The following HS6ST3 variants were observed in gnomAD, a reference collection of about 807,000 sequenced individuals.
HS6ST3 encodes heparan-sulfate 6-O-sulfotransferase 3.
HS6ST3 carries 12 observed loss-of-function variants against 36.7 expected under a neutral mutation model. The observed-to-expected ratio is 0.33, with a 90% CI of 0.21 to 0.53. The LOEUF (loss-of-function observed/expected upper bound fraction) is 0.53. Among genes scored for constraint, HS6ST3 ranks in the 20% least tolerant of loss-of-function variants. The pLI is 0.95. For synonymous variants in HS6ST3, 240 were observed against 257.5 expected (o/e 0.93, Z 0.65); for missense variants, 584 against 640.9 (o/e 0.91, Z 0.96).
At chr13:96,460,508 G>C (rs764040796) in intron 1 of HS6ST3, among the ~76,000 whole-genome samples, 3 of 152,118 alleles carry the variant, frequency 2.0e-5, no homozygotes, top group Non-Finnish European at 4.4e-5. Flanking sequence ...GAGCTATCAG[G>C]TTTTGGAAGT....
intron 1 of HS6ST3, among the ~76,000 whole-genome samples, chr13:96,743,575 A>G (rs1876493382): frequency 6.6e-6 from 1 of 152,048 alleles, no homozygotes; most frequent in African/African-American, 2.4e-5. Flanking sequence ...TGGTCTTTCT[A>G]TTAGTTTTTG....
At chr13:96,278,670 CAA>C (rs2054760176) in intron 1 of HS6ST3, among the ~76,000 whole-genome samples, 1 of 152,092 alleles carries the variant, frequency 6.6e-6, no homozygotes, top group Admixed American at 6.6e-5. Flanking sequence ...TAATTTTGAT[CAA>C]GTCTTATAAT....
At chr13:96,169,867 A>T (rs2054179347) in intron 1 of HS6ST3, 2 of 152,274 alleles carry the variant, frequency 1.3e-5, no homozygotes, top group Non-Finnish European at 2.9e-5. Flanking sequence ...AACAAAAATA[A>T]GATAAAATTT....
At chr13:96,279,883 A>G (rs139985494) in intron 1 of HS6ST3, among the ~76,000 whole-genome samples, 1 of 152,190 alleles carries the variant, frequency 6.6e-6, no homozygotes, top group African/African-American at 2.4e-5. Flanking sequence ...ATAAAACTAT[A>G]TTTTTTGCTA....
intron 1 of HS6ST3, among the ~76,000 whole-genome samples, chr13:96,222,674 A>G (rs2054461783): frequency 6.6e-6 from 1 of 152,256 alleles, no homozygotes; most frequent in South Asian, 2.1e-4. Context: ...TGAATCAGAA[A>G]TGGAAAAATC....
In HS6ST3 at chr13:96,211,726, T is replaced by C. The variant is rs544677447; in HGVS notation, c.707+120157T>C. 3.9e-5 allele frequency among the ~76,000 whole-genome samples: 6 copies of C among 152,292 alleles called. No individual in the cohort carries two copies. In the South Asian group the frequency reaches 1.2e-3, roughly 32 times the overall value. On this transcript the variant is annotated intron_variant, in intron 1 of 1. Transcript: ENST00000376705. ...CATGGAAGTATGGCACCATAGGTAG[T>C]TGTCTTTATATTGTGTTTCTGGGAA...
intron 1 of HS6ST3, among the ~76,000 whole-genome samples, chr13:96,262,874 T>C (rs2139384079): frequency 6.6e-6 from 1 of 152,316 alleles, no homozygotes; most frequent in African/African-American, 2.4e-5. Flanking sequence ...TATTATTAAG[T>C]ATGAGTACTT....
chr13:96,241,913 G>A lies in HS6ST3; in HGVS notation c.707+150344G>A, dbSNP rs190628050. 1.7e-3 allele frequency among the ~76,000 whole-genome samples: 250 copies of A among 151,508 alleles called. 1 individual carries two copies. Among genetic ancestry groups the A allele is most frequent in the African/African-American group, 5.9e-3 (242 of 41,274 alleles). On this transcript the variant is annotated intron_variant, in intron 1 of 1. Coordinates refer to ENST00000376705, the MANE Select transcript of HS6ST3 (RefSeq NM_153456.4). ...CCATTCTTCTGCCTCAGCCTCCCGA[G>A]TAGCTGGGACCACAGGCGTCCACCA...
At chr13:96,378,732 C>T in intron 1 of HS6ST3, among the ~76,000 whole-genome samples, 1 of 152,122 alleles carries the variant, frequency 6.6e-6, no homozygotes, top group East Asian at 1.9e-4. Flanking sequence ...GTGGGGTTAT[C>T]TTCTCATTTG....
intron 1 of HS6ST3, among the ~76,000 whole-genome samples, chr13:96,733,758 G>A (rs979381903): frequency 1.3e-5 from 2 of 152,136 alleles, no homozygotes; most frequent in Admixed American, 6.5e-5. Flanking sequence ...CGTGAGCTCT[G>A]GACTTACTCC....
intron 1 of HS6ST3, chr13:96,574,250 A>G (rs1478633188): frequency 2.3e-6 from 1 of 440,090 alleles, no homozygotes; most frequent in African/African-American, 2.0e-5. Context: ...GGACTGGGAG[A>G]TAGGGGTCCA....
At chr13:96,317,434 A>G (rs1197808520) in intron 1 of HS6ST3, among the ~76,000 whole-genome samples, 3 of 146,590 alleles carry the variant, frequency 2.0e-5, no homozygotes, top group Non-Finnish European at 4.5e-5. Flanking sequence ...GAATACATAT[A>G]TATGTCACAT....
At chr13:96,707,760 T>A (rs540429613) in intron 1 of HS6ST3, among the ~76,000 whole-genome samples, 26 of 152,208 alleles carry the variant, frequency 1.7e-4, no homozygotes, top group Non-Finnish European at 3.1e-4. Context: ...CTAGTTCTCA[T>A]GTACATGTAG....
intron 1 of HS6ST3, among the ~76,000 whole-genome samples, chr13:96,634,316 A>G (rs1358295477): frequency 6.6e-6 from 1 of 152,202 alleles, no homozygotes; most frequent in Non-Finnish European, 1.5e-5. Context: ...TGATATGCAC[A>G]GCAAGGAGAT....
intron 1 of HS6ST3, among the ~76,000 whole-genome samples, chr13:96,395,532 C>G (rs1017536578): frequency 1.3e-5 from 2 of 152,156 alleles, no homozygotes; most frequent in Non-Finnish European, 2.9e-5. Context: ...AAACGCCTAC[C>G]AGCACATTCA....
chr13:96,287,996 A>G (rs1308276669), intron 1 of HS6ST3, among the ~76,000 whole-genome samples: 2 of 152,198 alleles, frequency 1.3e-5, no homozygotes, highest in African/African-American at 4.8e-5. Flanking sequence ...GCTGTATAGC[A>G]GTGAGTCTCA....
intron 1 of HS6ST3, among the ~76,000 whole-genome samples, chr13:96,232,109 G>A (rs1365955077): frequency 6.6e-6 from 1 of 152,186 alleles, no homozygotes; most frequent in Non-Finnish European, 1.5e-5. Flanking sequence ...AGCCTGGAGA[G>A]GGTGTTAAGG....
chr13:96,595,478 T>C (rs2056398111), intron 1 of HS6ST3, among the ~76,000 whole-genome samples: 2 of 152,094 alleles, frequency 1.3e-5, no homozygotes, highest in South Asian at 4.2e-4. Flanking sequence ...CTCTCTCTCT[T>C]TGTTTTTTAT....
At chr13:96,681,800 G>A (rs2056719214) in intron 1 of HS6ST3, among the ~76,000 whole-genome samples, 2 of 152,048 alleles carry the variant, frequency 1.3e-5, no homozygotes, top group African/African-American at 4.8e-5. Context: ...TGGATTTGCT[G>A]AACTTATGGC....
Sources: allele counts gnomAD v4.1 joint callset (sites outside exome capture counted in the v4.1 genomes callset), GRCh38; gene constraint gnomAD v4.1.1; transcripts MANE v1.5; gene names NCBI Gene and HGNC (gene_info 2026-07-23, HGNC 2026-07-21).